Variants in RSPH14 observed in about 807,000 individuals in gnomAD.
The protein encoded by RSPH14 is rhabdoid tumor deletion region gene 1.
In RSPH14, 20 loss-of-function variants were observed where a neutral mutation model predicts 26.7. That is an observed-to-expected ratio of 0.75 (90% CI 0.53 to 1.09). The LOEUF is 1.09. RSPH14 is among the 50% of genes least tolerant of loss of function. RSPH14 has a pLI of 0.00. For missense variants in RSPH14, 449 were observed against 457.2 expected (o/e 0.98, Z 0.16); for synonymous variants, 177 against 189.3 (o/e 0.93, Z 0.53).
At chr22:23,122,763 C>T in intron 4 of RSPH14, 1 of 349,086 alleles carries the variant, frequency 2.9e-6, no homozygotes. Flanking sequence ...CTGGAGGTGC[C>T]CAGCGGTTTA....
At chr22:23,140,519 G>A in intron 1 of RSPH14, 47 bp from the exon 2 acceptor site, 1 of 1,507,118 alleles carries the variant, frequency 6.6e-7, no homozygotes, top group African/African-American at 1.4e-5. Flanking sequence ...TGATTTAAAA[G>A]CTACTTCTCA....
At chr22:23,094,276 C>T (rs2069063015) in intron 4 of RSPH14, among the ~76,000 whole-genome samples, 1 of 152,100 alleles carries the variant, frequency 6.6e-6, no homozygotes, top group African/African-American at 2.4e-5. Context: ...GGCTCACAGC[C>T]GGGGAAGAAG....
intron 4 of RSPH14, among the ~76,000 whole-genome samples, chr22:23,088,064 C>T (rs2068864764): frequency 2.0e-5 from 3 of 152,190 alleles, no homozygotes; most frequent in Admixed American, 6.5e-5. Context: ...TCAGCCTACA[C>T]CCAGGAATGA....
intron 4 of RSPH14, chr22:23,095,676 G>A: frequency 6.3e-7 from 1 of 1,586,896 alleles, no homozygotes; most frequent in Non-Finnish European, 8.6e-7. Flanking sequence ...CTCCTTGTCT[G>A]GGCCCGCTGC....
chr22:23,091,151 T>G (rs2068960160), intron 4 of RSPH14, among the ~76,000 whole-genome samples: 1 of 152,190 alleles, frequency 6.6e-6, no homozygotes, highest in Non-Finnish European at 1.5e-5. Context: ...GACCTGTGCA[T>G]GCACACCCAA....
intron 4 of RSPH14, among the ~76,000 whole-genome samples, chr22:23,070,976 G>A (rs891551738): frequency 6.6e-6 from 1 of 152,132 alleles, no homozygotes; most frequent in Non-Finnish European, 1.5e-5. Context: ...CTCCCTAGGG[G>A]GAGGATCAGG....
chr22:23,128,147 C>T (rs1011088338), intron 4 of RSPH14, among the ~76,000 whole-genome samples: 1 of 152,184 alleles, frequency 6.6e-6, no homozygotes, highest in African/African-American at 2.4e-5. Context: ...GGGATACTTC[C>T]GGGGGACCCT....
intron 4 of RSPH14, among the ~76,000 whole-genome samples, chr22:23,091,640 A>G (rs2068982807): frequency 1.3e-5 from 2 of 152,188 alleles, no homozygotes. Context: ...ACCTGCATAC[A>G]CACTGGCACC....
the RSPH14 span, among the ~76,000 whole-genome samples, chr22:23,176,227 A>C: frequency 6.6e-6 from 1 of 152,168 alleles, no homozygotes; most frequent in Non-Finnish European, 1.5e-5. Flanking sequence ...CATCCCCATG[A>C]GCTGGCCTCC....
upstream of RSPH14, among the ~76,000 whole-genome samples, chr22:23,149,663 C>T (rs1461189101): frequency 6.6e-6 from 1 of 152,196 alleles, no homozygotes; most frequent in Non-Finnish European, 1.5e-5. Context: ...TCAGCCTCCT[C>T]AGTATCTAGG....
intron 4 of RSPH14, among the ~76,000 whole-genome samples, chr22:23,091,454 A>C (rs569863853): frequency 1.3e-5 from 2 of 150,068 alleles, no homozygotes; most frequent in East Asian, 4.0e-4. Flanking sequence ...ACAGGGTCCT[A>C]TGCATACACA....
chr22:23,061,685 G>GTTTT, intron 6 of RSPH14, 124 bp downstream of exon 6: 2 of 994,504 alleles, frequency 2.0e-6, no homozygotes, highest in Non-Finnish European at 2.8e-6. Context: ...CCAAGGGGAG[G>GTTTT]TTTTTTTTTT....
chr22:23,157,368 A>C, the RSPH14 span, among the ~76,000 whole-genome samples: 1 of 151,548 alleles, frequency 6.6e-6, no homozygotes, highest in African/African-American at 2.4e-5. Context: ...CTCCTCCCTC[A>C]GCCTCCCGAG....
In RSPH14 at chr22:23,078,555, G is replaced by A. The variant is rs1052860127; in HGVS notation, c.422-14422C>T. ...GTGTGTTTGTCTTGCCACGCTGGCT[G>A]TTCTGGGGCTCTCCCTCCTCCCAGG... On this transcript the variant is annotated intron_variant, in intron 4 of 6. Transcript: ENST00000216036. 2.0e-5 allele frequency among the ~76,000 whole-genome samples: 3 copies of A among 152,238 alleles called. No homozygotes were observed. The South Asian group carries it at 6.2e-4, about 31-fold the overall frequency.
chr22:23,093,393 T>C (rs2057389851), intron 4 of RSPH14, among the ~76,000 whole-genome samples: 1 of 152,206 alleles, frequency 6.6e-6, no homozygotes, highest in East Asian at 1.9e-4. Context: ...ACACCCACTG[T>C]GCACTGGGCA....
At position 23,104,453 on chromosome 22, in the gene RSPH14, A is replaced by G. The variant is rs186796360; in HGVS notation, c.421+29573T>C. Reference sequence around the variant, plus strand: ...GAGCTTCAGGGCAGAGCTGCTTCCCACCCCACATCCCCTCAACCTGCATCG... The same window carrying G: ...GAGCTTCAGGGCAGAGCTGCTTCCCGCCCCACATCCCCTCAACCTGCATCG... On this transcript the variant is annotated intron_variant, in intron 4 of 6. Coordinates refer to ENST00000216036, the MANE Select transcript of RSPH14 (RefSeq NM_014433.3). Among the ~76,000 whole-genome samples, 21 of 151,940 alleles carry G rather than the reference A, an allele frequency of 1.4e-4. No individual in the cohort carries two copies. In the South Asian group the frequency reaches 1.7e-3, roughly 12 times the overall value.
chr22:23,075,339 G>A (rs2068482785), intron 4 of RSPH14, among the ~76,000 whole-genome samples: 2 of 152,180 alleles, frequency 1.3e-5, no homozygotes, highest in South Asian at 4.1e-4. Context: ...GCAGGCAATT[G>A]CCTGCTGCAA....
At chr22:23,124,823 G>A (rs1443065169) in intron 4 of RSPH14, 2 of 155,432 alleles carry the variant, frequency 1.3e-5, no homozygotes, top group East Asian at 1.9e-4. Context: ...AGGGCCGTGT[G>A]TAAATACGAA....
chr22:23,154,221 C>G, the RSPH14 span, among the ~76,000 whole-genome samples: 2 of 152,164 alleles, frequency 1.3e-5, no homozygotes, highest in African/African-American at 4.8e-5. Context: ...CTTCCGTGCT[C>G]CCCTACATGG....
Sources: gnomAD v4.1 joint callset for allele counts (sites outside exome capture counted in the v4.1 genomes callset) on GRCh38, gnomAD v4.1.1 for gene constraint, MANE v1.5 for transcripts, NCBI Gene and HGNC (gene_info 2026-07-23, HGNC 2026-07-21) for gene names.